Variants in SPINK1 observed in about 807,000 individuals in gnomAD.
The protein encoded by SPINK1 is serine protease inhibitor Kazal-type 1.
In SPINK1, 5 loss-of-function variants were observed where a neutral mutation model predicts 9.5. The ratio of observed to expected loss-of-function variants is 0.52; its 90% CI spans 0.27 to 1.10. The LOEUF (loss-of-function observed/expected upper bound fraction) is 1.10, where lower values mean the gene tolerates loss of function less well. Among genes scored for constraint, SPINK1 ranks in the 50% least tolerant of loss-of-function variants. The pLI is 0.11. For missense variants in SPINK1, 88 were observed against 92.7 expected (o/e 0.95, Z 0.21); for synonymous variants, 37 against 32.3 (o/e 1.14, Z -0.49).
At chr5:147,836,103 CTCA>C (rs1756590587), upstream of SPINK1, among the ~76,000 whole-genome samples, 2 of 152,112 alleles carry the variant, frequency 1.3e-5, no homozygotes, top group East Asian at 3.9e-4. Context: ...CATCCTCCTC[CTCA>C]TCATTATCAT....
At chr5:147,826,488 A>G (rs979044765) in intron 3 of SPINK1, among the ~76,000 whole-genome samples, 8 of 152,214 alleles carry the variant, frequency 5.3e-5, no homozygotes, top group African/African-American at 1.9e-4. Flanking sequence ...TCAGAGGCTA[A>G]GCAGATAGGG....
chr5:147,831,845 G>A (rs1402150157), upstream of SPINK1: 2 of 1,331,044 alleles, frequency 1.5e-6, no homozygotes, highest in Non-Finnish European at 1.9e-6. Flanking sequence ...AATAGTTCTA[G>A]TGGTTAGTTT....
intron 3 of SPINK1, among the ~76,000 whole-genome samples, chr5:147,824,927 A>T (rs1393371758): frequency 1.3e-5 from 2 of 152,250 alleles, no homozygotes; most frequent in African/African-American, 4.8e-5. Context: ...TACAACAGAA[A>T]GGAAAAATAT....
Position 147,831,656 on chromosome 5 carries a change from G to C in SPINK1, c.-79C>G. On this transcript the variant is annotated 5_prime_UTR_variant, in exon 1 of 4. Coordinates refer to ENST00000296695, the MANE Select transcript of SPINK1 (RefSeq NM_001379610.1). The stretch of plus-strand genomic sequence containing the variant: ...TCTCTTCAGAAGCCTGGGACTGGAA[G>C]GGTCATATGGCAGATGGCAGCAAGG... 6.3e-7 allele frequency: 1 copy of C among 1,592,230 alleles called. No individual in the cohort carries two copies. The highest frequency in any genetic ancestry group is 8.5e-7 in the Non-Finnish European group (1 of 1,171,016).
Position 147,831,507 on chromosome 5 carries a change from A to T in SPINK1, c.55+16T>A. The T allele has an allele frequency of 6.2e-7, 1 of 1,613,228 alleles. No homozygotes were observed. Among genetic ancestry groups the T allele is most frequent in the Non-Finnish European group, 8.5e-7 (1 of 1,179,750 alleles). On this transcript the variant is annotated intron_variant, in intron 1 of 3. Transcript: ENST00000296695. ...AAAACAGTTTTATTTAAATTTGAAA[A>T]ATATGCAACACTTACCAGATAGACT...
At chr5:147,831,938 C>T (rs1362426236), upstream of SPINK1, among the ~76,000 whole-genome samples, 1 of 152,200 alleles carries the variant, frequency 6.6e-6, no homozygotes, top group Admixed American at 6.5e-5. Flanking sequence ...ACTCAAAGAT[C>T]CCTTCTACTC....
chr5:147,831,170 G>A (rs934955074), intron 1 of SPINK1, among the ~76,000 whole-genome samples: 3 of 152,140 alleles, frequency 2.0e-5, no homozygotes, highest in Non-Finnish European at 4.4e-5. Flanking sequence ...GCAATCCCAT[G>A]AGAATTTAAA....
At chr5:147,829,980 C>T (rs1756481253) in intron 1 of SPINK1, among the ~76,000 whole-genome samples, 1 of 152,140 alleles carries the variant, frequency 6.6e-6, no homozygotes, top group African/African-American at 2.4e-5. Flanking sequence ...CAAACATTCT[C>T]AAAACCAGTT....
At chr5:147,831,697 T>C (rs1756512479), upstream of SPINK1, 1 of 1,538,178 alleles carries the variant, frequency 6.5e-7, no homozygotes, top group Admixed American at 1.9e-5. Context: ...CCTACTGGGC[T>C]ATATCACAGA....
At chr5:147,830,859 A>G (rs1187138584) in intron 1 of SPINK1, among the ~76,000 whole-genome samples, 3 of 152,160 alleles carry the variant, frequency 2.0e-5, no homozygotes, top group Admixed American at 1.3e-4. Context: ...CATTGTCAAG[A>G]TGCAGTTGGA....
rs1369310406 is a variant in SPINK1 at position 147,824,691 on chromosome 5, A to G, written c.210T>C (p.Ser70=). The G allele has an allele frequency of 1.2e-6, 2 of 1,614,126 alleles. No individual in the cohort carries two copies. ...AAGGCCCAGATTTTTGAATGAGGAT[A>G]GAAGTCTGGCGTTTCCTGCAGTAGA... ...LCFENRKRQT[S]ILIQKSGPC Residue 70 remains serine (S), a synonymous_variant, in exon 4 of 4, where the codon TCT becomes TCC. Coordinates refer to ENST00000296695, the MANE Select transcript of SPINK1 (RefSeq NM_001379610.1).
intron 1 of SPINK1, among the ~76,000 whole-genome samples, chr5:147,830,769 G>A (rs760928605): frequency 1.3e-5 from 2 of 152,298 alleles, no homozygotes; most frequent in Non-Finnish European, 2.9e-5. Flanking sequence ...TACATGAGAG[G>A]TGAAGTTGAA....
In SPINK1 at chr5:147,824,720, T is replaced by TA. The variant is rs764412229; in HGVS notation, c.195-15dup. 66 of 1,611,552 alleles carry TA rather than the reference T, an allele frequency of 4.1e-5. No individual in the cohort carries two copies. The highest frequency in any genetic ancestry group is 1.3e-4 in the East Asian group (6 of 44,798). ...GTCTGGCGTTTCCTGCAGTAGAGAT[T>TA]AAAAAAAATATATCAGCTTAAACTT... is the stretch of plus-strand genomic sequence containing the variant. On this transcript the variant is annotated splice_polypyrimidine_tract_variant and intron_variant, in intron 3 of 3. Transcript: ENST00000296695.
chr5:147,837,693 CTTT>C, the SPINK1 span, among the ~76,000 whole-genome samples: 1 of 146,258 alleles, frequency 6.8e-6, no homozygotes, highest in African/African-American at 2.6e-5. Context: ...TTCTTTCTTT[CTTT>C]CTTTCTTTCT....
intron 2 of SPINK1, 125 bp from the exon 3 acceptor site, chr5:147,828,253 G>C: frequency 2.5e-6 from 2 of 806,206 alleles, no homozygotes; most frequent in South Asian, 2.9e-5. Flanking sequence ...ACTGTGTGTT[G>C]TAAGAGAAAT....
chr5:147,828,138 G>T lies in SPINK1; in HGVS notation c.88-10C>A. On this transcript the variant is annotated splice_polypyrimidine_tract_variant and intron_variant, in intron 2 of 3. Transcript: ENST00000296695. ...CATTGTAACATTTGGCCTAAAAATGGAATTAAACAGAATCATTTCCCATTA... is the reference window on the plus strand; with the variant it reads ...CATTGTAACATTTGGCCTAAAAATGTAATTAAACAGAATCATTTCCCATTA... 1 of 1,585,324 alleles carries T rather than the reference G, an allele frequency of 6.3e-7. No homozygotes were observed. Among genetic ancestry groups the T allele is most frequent in the Non-Finnish European group, 8.7e-7 (1 of 1,155,658 alleles).
chr5:147,833,906 G>A (rs933253299), upstream of SPINK1, among the ~76,000 whole-genome samples: 2 of 151,946 alleles, frequency 1.3e-5, no homozygotes, highest in Non-Finnish European at 2.9e-5. Flanking sequence ...TTGCTACGTT[G>A]GTCATTTCTC....
chr5:147,838,620 A>G, the SPINK1 span, among the ~76,000 whole-genome samples: 1 of 152,164 alleles, frequency 6.6e-6, no homozygotes, highest in Non-Finnish European at 1.5e-5. Flanking sequence ...TCAAACTTTT[A>G]TACTTTATAA....
chr5:147,839,016 G>A, the SPINK1 span, among the ~76,000 whole-genome samples: 2 of 152,064 alleles, frequency 1.3e-5, no homozygotes, highest in African/African-American at 4.8e-5. Flanking sequence ...CATAGTCACT[G>A]GATTAGTCTG....
Sources: gnomAD v4.1 joint callset for allele counts (sites outside exome capture counted in the v4.1 genomes callset) on GRCh38, gnomAD v4.1.1 for gene constraint, MANE v1.5 for transcripts, NCBI Gene and HGNC (gene_info 2026-07-23, HGNC 2026-07-21) for gene names.